The following GLB1L3 variants were observed in gnomAD, a reference collection of about 807,000 sequenced individuals.
GLB1L3 encodes galactosidase beta 1 like 3, also known as beta-galactosidase-1-like protein 3.
In GLB1L3, 89 loss-of-function variants were observed where a neutral mutation model predicts 89.5. That is an observed-to-expected ratio of 0.99 (90% confidence interval 0.84 to 1.19). GLB1L3 has a LOEUF of 1.19. Among genes scored for constraint, GLB1L3 ranks in the 50% most tolerant of loss-of-function variants. The pLI, the probability that GLB1L3 is intolerant of heterozygous loss-of-function variation, is 0.00. For synonymous variants in GLB1L3, 314 were observed against 312.3 expected (o/e 1.01, Z -0.06); for missense variants, 812 against 813.3 (o/e 1.00, Z 0.02).
At chr11:134,308,658 C>CCACCACCACCACCAT (rs1942558783) in intron 10 of GLB1L3, among the ~76,000 whole-genome samples, 2 of 133,142 alleles carry the variant, frequency 1.5e-5, no homozygotes, top group Non-Finnish European at 3.4e-5. Flanking sequence ...ACCATCATCA[C>CCACCACCACCACCAT]CACCACCACC....
In GLB1L3 at chr11:134,288,812, C is replaced by T. The variant is rs1341423861; in HGVS notation, c.651C>T (p.Gly217=). ...RVIPLQYRQA[G]PVIAVQVENE... The stretch of plus-strand genomic sequence containing the variant: ...TTGTTTCTCAGTACCGCCAGGCAGG[C>T]CCTGTCATCGCGGTGCAAGTGGAGA... Residue 217 remains glycine, a synonymous_variant, in exon 7 of 20, where the codon GGC becomes GGT. Transcript: ENST00000431683. 1.2e-6 allele frequency: 2 copies of T among 1,613,064 alleles called. No individual in the cohort carries two copies. Among genetic ancestry groups the T allele is most frequent in the East Asian group, 2.2e-5 (1 of 44,848 alleles).
intron 1 of GLB1L3, 175 bp from the exon 2 acceptor site, chr11:134,277,151 C>T (rs1351531715): frequency 2.3e-5 from 18 of 767,034 alleles, no homozygotes; most frequent in Non-Finnish European, 3.8e-5. Context: ...CTGCAGAGGA[C>T]TGGCCGGGTG....
chr11:134,284,047 GT>G (rs1427867273), intron 6 of GLB1L3, among the ~76,000 whole-genome samples: 1 of 152,150 alleles, frequency 6.6e-6, no homozygotes, highest in African/African-American at 2.4e-5. Flanking sequence ...CTTCCCCAGG[GT>G]TGCTAGAAAG....
At chr11:134,310,334 G>C (rs1324109886) in intron 11 of GLB1L3, 13 of 538,236 alleles carry the variant, frequency 2.4e-5, no homozygotes, top group Non-Finnish European at 4.0e-5. Context: ...GTTTGCATTA[G>C]AAAGTGAAGA....
Position 134,311,143 on chromosome 11 carries a change from G to A in GLB1L3, c.1260G>A (p.Leu420=). Residue 420 remains leucine (L), a synonymous_variant, in exon 13 of 20, where the codon CTG becomes CTA. Transcript: ENST00000431683. ...TGAGACCGTCGCTGTACCTCCCGCTGTGGGACGCCCTATCCTACTTAAATG... is the reference window on the plus strand; with the variant it reads ...TGAGACCGTCGCTGTACCTCCCGCTATGGGACGCCCTATCCTACTTAAATG... ...PPVRPSLYLP[L]WDALSYLNEP... is the part of the protein sequence containing the mutation. The A allele has an allele frequency of 6.2e-7, 1 of 1,613,852 alleles. No individual in the cohort carries two copies. Among genetic ancestry groups the A allele is most frequent in the Middle Eastern group, 1.7e-4 (1 of 6,060 alleles).
chr11:134,299,274 G>C (rs537128783), intron 9 of GLB1L3, among the ~76,000 whole-genome samples: 1 of 151,942 alleles, frequency 6.6e-6, no homozygotes, highest in African/African-American at 2.4e-5. Flanking sequence ...AATTCCTTGT[G>C]AGATAGTTAC....
intron 10 of GLB1L3, among the ~76,000 whole-genome samples, chr11:134,308,544 T>TCAC (rs1565414379): frequency 1.3e-3 from 22 of 16,530 alleles, no homozygotes; most frequent in Admixed American, 2.9e-3. Context: ...ACCACCACCA[T>TCAC]CACCATCACC....
intron 18 of GLB1L3, among the ~76,000 whole-genome samples, chr11:134,314,678 A>G (rs1469092182): frequency 1.3e-5 from 2 of 152,196 alleles, no homozygotes; most frequent in Non-Finnish European, 2.9e-5. Context: ...AGAGCAAAGC[A>G]TGAAGTTCGC....
At chr11:134,292,446 T>C in intron 8 of GLB1L3, 1 of 427,180 alleles carries the variant, frequency 2.3e-6, no homozygotes. Context: ...ACAGCAGCAC[T>C]GGAGCTCCTC....
downstream of GLB1L3, among the ~76,000 whole-genome samples, chr11:134,320,596 C>T (rs1943153127): frequency 6.6e-6 from 1 of 152,136 alleles, no homozygotes; most frequent in South Asian, 2.1e-4. Flanking sequence ...TCGCTACTAC[C>T]TTAGTTCCAC....
intron 11 of GLB1L3, 101 bp from the exon 12 acceptor site, chr11:134,310,470 T>A: frequency 1.2e-6 from 1 of 802,474 alleles, no homozygotes. Flanking sequence ...GTCTTCCTTT[T>A]GTCTCACTCA....
intron 18 of GLB1L3, among the ~76,000 whole-genome samples, chr11:134,317,265 G>A (rs1228485070): frequency 1.3e-5 from 2 of 152,164 alleles, no homozygotes; most frequent in Non-Finnish European, 2.9e-5. Flanking sequence ...TTTGCTGGAT[G>A]TAGTATTCTT....
intron 6 of GLB1L3, among the ~76,000 whole-genome samples, chr11:134,288,518 G>A (rs1941144313): frequency 6.6e-6 from 1 of 152,214 alleles, no homozygotes; most frequent in African/African-American, 2.4e-5. Flanking sequence ...GGAAGCAGGT[G>A]CATTTGTAGG....
At chr11:134,310,377 C>G (rs922824722) in intron 11 of GLB1L3, 194 bp from the exon 12 acceptor site, 1 of 583,444 alleles carries the variant, frequency 1.7e-6, no homozygotes, top group Non-Finnish European at 3.1e-6. Flanking sequence ...TGGCTTGACA[C>G]TGGAAGCCAG....
At chr11:134,295,178 G>C (rs898201242) in intron 9 of GLB1L3, among the ~76,000 whole-genome samples, 1 of 152,204 alleles carries the variant, frequency 6.6e-6, no homozygotes, top group Non-Finnish European at 1.5e-5. Flanking sequence ...GGAACAGATA[G>C]TGTAGAATTG....
chr11:134,290,668 G>C (rs900240633), intron 7 of GLB1L3, among the ~76,000 whole-genome samples: 3 of 150,856 alleles, frequency 2.0e-5, no homozygotes, highest in African/African-American at 7.3e-5. Context: ...AAGCACAGGA[G>C]ACGCACAGCC....
chr11:134,307,878 G>A (rs184512038), intron 10 of GLB1L3, among the ~76,000 whole-genome samples: 6 of 152,282 alleles, frequency 3.9e-5, no homozygotes, highest in African/African-American at 1.4e-4. Context: ...ATGCCTGGCA[G>A]TCGTTTACTT....
chr11:134,276,900 TC>T, intron 1 of GLB1L3, 137 bp downstream of exon 1: 1 of 748,830 alleles, frequency 1.3e-6, no homozygotes, highest in Non-Finnish European at 1.9e-6. Flanking sequence ...AAGCCCGCTG[TC>T]CCCAGCTTTC....
At chr11:134,307,347 C>A in intron 10 of GLB1L3, 139 bp downstream of exon 10, 1 of 649,838 alleles carries the variant, frequency 1.5e-6, no homozygotes, top group Non-Finnish European at 2.7e-6. Context: ...AGCACTCAGC[C>A]AGGCCCTGAG....
Sources: gnomAD v4.1 joint callset for allele counts (sites outside exome capture counted in the v4.1 genomes callset) on GRCh38, gnomAD v4.1.1 for gene constraint, MANE v1.5 for transcripts, NCBI Gene and HGNC (gene_info 2026-07-23, HGNC 2026-07-21) for gene names.